The following TECPR1 variants were observed in gnomAD, a reference collection of about 807,000 sequenced individuals.
TECPR1 encodes the protein tectonin beta-propeller repeat containing 1.
Under a neutral mutation model 162.4 loss-of-function variants are expected in TECPR1, and 122 were observed. The observed-to-expected ratio is 0.75, with a 90% CI of 0.65 to 0.87. TECPR1 has a LOEUF of 0.87. TECPR1 is among the 40% of genes least tolerant of loss of function. TECPR1 has a pLI of 0.00. For synonymous variants in TECPR1, 642 were observed against 670.6 expected (o/e 0.96, Z 0.66); for missense variants, 1,432 against 1,618.2 (o/e 0.88, Z 1.97).
chr7:98,246,080 G>A lies in TECPR1; in HGVS notation c.67C>T (p.Gln23Ter). 1 of 1,564,332 alleles carries A rather than the reference G, an allele frequency of 6.4e-7. No homozygotes were observed. Among genetic ancestry groups the A allele is most frequent in the Non-Finnish European group, 8.7e-7 (1 of 1,155,184 alleles). The change falls in exon 3 of 26, where the codon CAG becomes TAG. Residue 23 changes from glutamine to a stop codon, truncating the protein, a stop_gained. Coordinates refer to ENST00000447648, the MANE Select transcript of TECPR1 (RefSeq NM_015395.3). LOFTEE classifies it high-confidence loss of function. ...GAGTCCTTGCACATTTCCCAGTACT[G>A]GCCTGCTGTGGACAGCGTGTACACT... Reference protein sequence around the residue: ...GRVYTLSTAGQYWEMCKDSQL... With the variant: ...GRVYTLSTAG
intron 10 of TECPR1, among the ~76,000 whole-genome samples, chr7:98,235,688 G>C (rs1798577994): frequency 6.6e-6 from 1 of 151,608 alleles, no homozygotes; most frequent in African/African-American, 2.4e-5. Flanking sequence ...GAATTAGCCA[G>C]GTGTGGTGGT....
At chr7:98,240,827 C>G in intron 8 of TECPR1, 24 bp downstream of exon 8, 7 of 1,567,592 alleles carry the variant, frequency 4.5e-6, no homozygotes, top group Non-Finnish European at 5.2e-6. Flanking sequence ...CTCAAGTGAT[C>G]CCCCAGCCTC....
At position 98,222,432 on chromosome 7, in the gene TECPR1, G is replaced by C; in HGVS notation, c.3018C>G (p.Asp1006Glu). 6.3e-7 allele frequency: 1 copy of C among 1,596,198 alleles called. No individual in the cohort carries two copies. The highest frequency in any genetic ancestry group is 1.1e-5 in the South Asian group (1 of 88,060). ...ACYQVWAVAR[D>E]GSAFYRGSVY... ...CGGATCCCCGGTAGAAGGCGGAGCC[G>C]TCCCTTGCCACGGCCCACACCTGGT... The change falls in exon 22 of 26, where the codon GAC becomes GAG. Residue 1006 changes from aspartate (D) to glutamate (E), a missense_variant. By Grantham distance (45) the Asp-to-Glu change is conservative (BLOSUM62 2). Transcript: ENST00000447648.
chr7:98,233,116 G>C (rs1021838873), intron 11 of TECPR1, 144 bp from the exon 12 acceptor site: 7 of 1,001,258 alleles, frequency 7.0e-6, no homozygotes, highest in Non-Finnish European at 9.8e-6. Context: ...CCTTTGCCCT[G>C]TTGGATGAGT....
chr7:98,228,105 T>C lies in TECPR1; in HGVS notation c.2422A>G (p.Ser808Gly). ...GACTGCGTGTAGATGTTACTGGTGC[T>C]GCTGGCCAGGCCTGTGGGGAGAGGT... ...GGGCFQGLAS[S>G]TSNIYTQSDV... Residue 808 changes from serine (S) to glycine (G), a missense_variant, in exon 17 of 26, where the codon AGC becomes GGC. Physicochemically the swap from Ser to Gly is moderately conservative, Grantham distance 56. Coordinates refer to ENST00000447648, the MANE Select transcript of TECPR1 (RefSeq NM_015395.3). 1 of 1,610,910 alleles carries C rather than the reference T, an allele frequency of 6.2e-7. No individual in the cohort carries two copies. Among genetic ancestry groups the C allele is most frequent in the South Asian group, 1.1e-5 (1 of 90,096 alleles).
At chr7:98,245,284 A>G (rs983820149) in intron 3 of TECPR1, among the ~76,000 whole-genome samples, 13 of 152,194 alleles carry the variant, frequency 8.5e-5, no homozygotes, top group Admixed American at 2.0e-4. Flanking sequence ...ACAGCCCCAA[A>G]GGGCAAAGAA....
chr7:98,233,865 C>A lies in TECPR1; in HGVS notation c.1228G>T (p.Ala410Ser), dbSNP rs545434293. Residue 410 changes from alanine (A) to serine (S), a missense_variant, in exon 11 of 26, where the codon GCC becomes TCC. Physicochemically the swap from Ala to Ser is moderately conservative, Grantham distance 99. Transcript: ENST00000447648. ...GDEVRGSGES[A>S]PSDTDASSEV... Reference sequence around the variant, plus strand: ...GAGGAGGCATCGGTGTCGCTGGGGGCAGACTCGCCACTACCCCTCACCTCA... The same window carrying A: ...GAGGAGGCATCGGTGTCGCTGGGGGAAGACTCGCCACTACCCCTCACCTCA... 2.4e-5 allele frequency: 37 copies of A among 1,557,292 alleles called. No homozygotes were observed. The East Asian group carries it at 8.7e-4, about 36-fold the overall frequency.
rs547176494 is a variant in TECPR1 at position 98,237,119 on chromosome 7, G to A, written c.1036-198C>T. Among the ~76,000 whole-genome samples, 278 of 152,060 alleles carry A rather than the reference G, an allele frequency of 1.8e-3. 1 individual carries two copies. The highest frequency in any genetic ancestry group is 6.8e-3 in the Middle Eastern group (2 of 294). On this transcript the variant is annotated intron_variant, in intron 9 of 25. Coordinates refer to ENST00000447648, the MANE Select transcript of TECPR1 (RefSeq NM_015395.3). ...TCAGGAGAAGCTGCGACCTGGTCCC[G>A]TCTCCCTGACCTCAGGCAGACCCAG...
chr7:98,242,904 T>C (rs796241184), intron 6 of TECPR1, among the ~76,000 whole-genome samples: 178 of 9,158 alleles, frequency 0.019, no homozygotes, highest in Middle Eastern at 0.12. Context: ...ACCCACCCAC[T>C]CACCCACCCA....
chr7:98,231,153 G>A, intron 14 of TECPR1, 35 bp from the exon 15 acceptor site: 5 of 1,601,084 alleles, frequency 3.1e-6, no homozygotes, highest in Non-Finnish European at 4.2e-6. Context: ...TGCTGAGCAG[G>A]CCAGGCCAGG....
At chr7:98,238,676 A>G (rs2116602463) in intron 8 of TECPR1, 66 bp from the exon 9 acceptor site, 1 of 1,275,902 alleles carries the variant, frequency 7.8e-7, no homozygotes, top group Non-Finnish European at 1.1e-6. Context: ...CGTTCGTTTA[A>G]GCCTCAGGGA....
intron 23 of TECPR1, 97 bp downstream of exon 23, chr7:98,221,564 T>C (rs944193811): frequency 4.9e-6 from 5 of 1,014,510 alleles, no homozygotes; most frequent in Admixed American, 4.0e-5. Context: ...TGATCTCAGG[T>C]GATCCGCTGG....
rs1367650881 is a variant in TECPR1, at chr7:98,241,067, C to T, written c.832+3G>A. The T allele has an allele frequency of 3.7e-6, 6 of 1,602,036 alleles. No individual in the cohort carries two copies. The Admixed American group carries it at 1.0e-4, about 27-fold the overall frequency. On this transcript the variant is annotated splice_donor_region_variant and intron_variant, in intron 7 of 25. Transcript: ENST00000447648. The surrounding 1 kb of genome is among the most constrained non-coding windows in gnomAD (Gnocchi z 5.0). Reference sequence around the variant, plus strand: ...ATGTGGGTGGGGGAGCCGGGCTGCCCACCTTTGGGATTGCTCCTGTTGATT... The same window carrying T: ...ATGTGGGTGGGGGAGCCGGGCTGCCTACCTTTGGGATTGCTCCTGTTGATT...
intron 16 of TECPR1, 139 bp downstream of exon 16, chr7:98,228,900 G>T: frequency 7.9e-7 from 1 of 1,264,120 alleles, no homozygotes; most frequent in Non-Finnish European, 1.1e-6. Context: ...GCTGGCAGTG[G>T]TGAAGGTCAC....
At position 98,235,849 on chromosome 7, in the gene TECPR1, A is replaced by AAACAAAAAAAAAAAAAAAAAAAAACAAC. The variant is rs1554401446; in HGVS notation, c.1181+926_1181+927insGTTGTTTTTTTTTTTTTTTTTTTTTGTT. Among the ~76,000 whole-genome samples the AAACAAAAAAAAAAAAAAAAAAAAACAAC allele has an allele frequency of 2.7e-5, 3 of 110,252 alleles. 1 individual carries two copies. The highest frequency in any genetic ancestry group is 4.1e-5 in the Non-Finnish European group (2 of 48,570). The allele number at this position is 110,252 out of a possible 152,430, so 72.3% of individuals were successfully genotyped here. A position where few individuals can be genotyped will look rare whatever the true frequency, so the allele number is the denominator to read the frequency against. On this transcript the variant is annotated intron_variant, in intron 10 of 25. Coordinates refer to ENST00000447648, the MANE Select transcript of TECPR1 (RefSeq NM_015395.3). ...TCTCAAAAAAAAAAAAAAAAAAAAA[A>AAACAAAAAAAAAAAAAAAAAAAAACAAC]AACACCATCTGAGCAGACTAAACCC...
chr7:98,244,334 G>A (rs1401749754), intron 5 of TECPR1, among the ~76,000 whole-genome samples: 1 of 152,244 alleles, frequency 6.6e-6, no homozygotes, highest in Non-Finnish European at 1.5e-5. Flanking sequence ...GGACACCAGG[G>A]TCAGGGCAAG....
intron 17 of TECPR1, among the ~76,000 whole-genome samples, chr7:98,226,118 T>C (rs1485651479): frequency 3.9e-5 from 6 of 152,140 alleles, no homozygotes; most frequent in African/African-American, 1.2e-4. Flanking sequence ...CAGATGTGGG[T>C]GCGCAGCCCT....
At position 98,231,967 on chromosome 7, in the gene TECPR1, G is replaced by A. The variant is rs755714502; in HGVS notation, c.1819-8C>T. 62 of 1,596,824 alleles carry A rather than the reference G, an allele frequency of 3.9e-5. No individual in the cohort carries two copies. In the East Asian group the frequency reaches 8.7e-4, roughly 23 times the overall value. On this transcript the variant is annotated splice_polypyrimidine_tract_variant and splice_region_variant and intron_variant, in intron 12 of 25. Transcript: ENST00000447648. ...GGTCTTCACCCACACCGACTGCGCA[G>A]GCCGGGGCAGTGGACACCATCACAG...
chr7:98,230,828 G>C lies in TECPR1; in HGVS notation c.2282+133C>G, dbSNP rs565036466. The stretch of plus-strand genomic sequence containing the variant: ...GGGGGACTTGGGGGCCTGGGAACCA[G>C]TGGCCGTGCCTCTGCCTGGTCAGCG... On this transcript the variant is annotated intron_variant, in intron 15 of 25. Transcript: ENST00000447648. 1.6e-5 allele frequency: 19 copies of C among 1,224,322 alleles called. No individual in the cohort carries two copies. In the South Asian group the frequency reaches 2.8e-4, roughly 18 times the overall value. The allele number at this position is 1,224,322 out of a possible 1,614,324, so 75.8% of individuals were successfully genotyped here.
Sources: gnomAD v4.1 joint callset for allele counts (sites outside exome capture counted in the v4.1 genomes callset) on GRCh38, gnomAD v4.1.1 for gene constraint, Gnocchi (gnomAD v3.1) non-coding constraint, MANE v1.5 for transcripts, NCBI Gene and HGNC (gene_info 2026-07-23, HGNC 2026-07-21) for gene names.